STXBP5L: variants seen among roughly 807,000 people sequenced by gnomAD.
STXBP5L encodes the protein syntaxin-binding protein 5-like.
STXBP5L carries 65 observed loss-of-function variants against 144.5 expected under a neutral mutation model. That is an observed-to-expected ratio of 0.45 (90% CI 0.37 to 0.55). STXBP5L has a LOEUF of 0.55. Among genes scored for constraint, STXBP5L ranks in the 20% least tolerant of loss-of-function variants. The pLI is 0.00. For synonymous variants in STXBP5L, 505 were observed against 469.6 expected (o/e 1.08, Z -0.97); for missense variants, 1,298 against 1,405.5 (o/e 0.92, Z 1.22).
At chr3:121,300,269 C>T (rs969639664) in intron 19 of STXBP5L, among the ~76,000 whole-genome samples, 1 of 151,318 alleles carries the variant, frequency 6.6e-6, no homozygotes, top group Non-Finnish European at 1.5e-5. Context: ...CAGATCTGTA[C>T]TATAAGAAAT....
chr3:121,055,675 A>ATT (rs143740506), intron 5 of STXBP5L, among the ~76,000 whole-genome samples: 5 of 145,824 alleles, frequency 3.4e-5, no homozygotes, highest in East Asian at 2.0e-4. Flanking sequence ...ATACCCAGCT[A>ATT]TTTTTTTTTT....
chr3:121,356,455 C>T (rs879915620), intron 20 of STXBP5L, among the ~76,000 whole-genome samples: 10 of 152,252 alleles, frequency 6.6e-5, no homozygotes, highest in Non-Finnish European at 1.3e-4. Flanking sequence ...GATTGCTGTG[C>T]TAGCAGTGAG....
At chr3:121,168,346 A>C (rs2046576582) in intron 9 of STXBP5L, among the ~76,000 whole-genome samples, 1 of 152,198 alleles carries the variant, frequency 6.6e-6, no homozygotes, top group Non-Finnish European at 1.5e-5. Flanking sequence ...GAGTTTGACA[A>C]ATTGACAGAA....
chr3:121,163,797 T>C (rs1205594006), intron 9 of STXBP5L, among the ~76,000 whole-genome samples: 1 of 151,702 alleles, frequency 6.6e-6, no homozygotes, highest in Non-Finnish European at 1.5e-5. Context: ...TAAATGTCAC[T>C]GAGATGGTAA....
intron 2 of STXBP5L, among the ~76,000 whole-genome samples, chr3:120,935,187 G>A (rs142149543): frequency 3.4e-4 from 50 of 149,244 alleles, no homozygotes; most frequent in Middle Eastern, 6.8e-3. Context: ...TTTAGTGGTT[G>A]CCCTTAGGTT....
At chr3:120,982,028 C>T (rs1016467864) in intron 3 of STXBP5L, among the ~76,000 whole-genome samples, 1 of 152,128 alleles carries the variant, frequency 6.6e-6, no homozygotes, top group African/African-American at 2.4e-5. Context: ...GGCTAATTGC[C>T]TTCTGCAATA....
intron 20 of STXBP5L, among the ~76,000 whole-genome samples, chr3:121,332,136 A>G (rs2108560627): frequency 6.6e-6 from 1 of 152,108 alleles, no homozygotes; most frequent in South Asian, 2.1e-4. Flanking sequence ...ATTAAAAGAA[A>G]TAGTTTACCC....
intron 3 of STXBP5L, among the ~76,000 whole-genome samples, chr3:121,029,344 T>C (rs1004440437): frequency 6.6e-6 from 1 of 151,954 alleles, no homozygotes; most frequent in African/African-American, 2.4e-5. Flanking sequence ...TATAGACCAA[T>C]GGAACACAAC....
intron 10 of STXBP5L, among the ~76,000 whole-genome samples, chr3:121,208,096 G>A (rs1365774483): frequency 2.0e-5 from 3 of 152,106 alleles, no homozygotes; most frequent in African/African-American, 2.4e-5. Flanking sequence ...ATGTCCATCA[G>A]TGATAGACTG....
chr3:121,306,179 A>C (rs2043332583), intron 19 of STXBP5L, among the ~76,000 whole-genome samples: 1 of 152,144 alleles, frequency 6.6e-6, no homozygotes, highest in Non-Finnish European at 1.5e-5. Context: ...TATTCAAGAA[A>C]ATCTACTGAA....
chr3:121,217,082 G>A (rs908307370), intron 10 of STXBP5L, among the ~76,000 whole-genome samples: 4 of 152,168 alleles, frequency 2.6e-5, no homozygotes, highest in Non-Finnish European at 2.9e-5. Flanking sequence ...TGCTGGCAGC[G>A]AGAATTTCAA....
chr3:121,279,434 G>A (rs563003555), intron 18 of STXBP5L, among the ~76,000 whole-genome samples: 4 of 151,908 alleles, frequency 2.6e-5, no homozygotes, highest in African/African-American at 4.8e-5. Flanking sequence ...AATTACATAC[G>A]TAAGCATCTT....
intron 3 of STXBP5L, among the ~76,000 whole-genome samples, chr3:120,991,054 T>C (rs1233559637): frequency 2.0e-5 from 3 of 151,924 alleles, no homozygotes; most frequent in East Asian, 3.9e-4. Flanking sequence ...ACCTACAGAA[T>C]GGGAGAAAAT....
At chr3:121,253,883 G>A (rs936417763) in intron 15 of STXBP5L, among the ~76,000 whole-genome samples, 7 of 141,938 alleles carry the variant, frequency 4.9e-5, no homozygotes, top group African/African-American at 1.8e-4. Context: ...TCGATCTCCT[G>A]ACCTGGTGAT....
chr3:121,124,964 T>A (rs1276833081), intron 7 of STXBP5L, among the ~76,000 whole-genome samples: 1 of 152,160 alleles, frequency 6.6e-6, no homozygotes, highest in Non-Finnish European at 1.5e-5. Context: ...AAATTATGAA[T>A]AGTGTCAAAT....
At chr3:121,112,391 A>G (rs1479256212) in intron 5 of STXBP5L, among the ~76,000 whole-genome samples, 1 of 152,022 alleles carries the variant, frequency 6.6e-6, no homozygotes, top group Non-Finnish European at 1.5e-5. Context: ...TGGGAGTGGG[A>G]GTTCCCCTTG....
chr3:120,942,653 A>G (rs1262935237), intron 2 of STXBP5L, among the ~76,000 whole-genome samples: 1 of 150,926 alleles, frequency 6.6e-6, no homozygotes, highest in East Asian at 1.9e-4. Flanking sequence ...TTAATCTTCT[A>G]CCTAGATAAT....
At position 121,174,944 on chromosome 3, in the gene STXBP5L, A is replaced by T. The variant is rs115369577; in HGVS notation, c.877+17317A>T. ...CTGAGCTGGGGAAAGGGAACAGGAAAAAAAACCCAGACAACCCTACCTTTA... is the reference window on the plus strand; with the variant it reads ...CTGAGCTGGGGAAAGGGAACAGGAATAAAAACCCAGACAACCCTACCTTTA... On this transcript the variant is annotated intron_variant, in intron 9 of 26. Coordinates refer to ENST00000471454, the MANE Select transcript of STXBP5L (RefSeq NM_001308330.2). Among the ~76,000 whole-genome samples, 193 of 152,256 alleles carry T rather than the reference A, an allele frequency of 1.3e-3. 1 individual carries two copies. The highest frequency in any genetic ancestry group is 4.3e-3 in the African/African-American group (180 of 41,566).
intron 9 of STXBP5L, chr3:121,158,277 T>G (rs938159914): frequency 2.6e-5 from 4 of 152,190 alleles, no homozygotes; most frequent in South Asian, 4.1e-4. Context: ...GGTGATGATC[T>G]GAGTTCTATG....
Sources: gnomAD v4.1 joint callset for allele counts (sites outside exome capture counted in the v4.1 genomes callset) on GRCh38, gnomAD v4.1.1 for gene constraint, MANE v1.5 for transcripts, NCBI Gene and HGNC (gene_info 2026-07-23, HGNC 2026-07-21) for gene names.